Variants in FAF1 observed in about 807,000 individuals in gnomAD.
The protein encoded by FAF1 is Fas associated factor 1, also known as FAS-associated factor 1.
Under a neutral mutation model 92.5 loss-of-function variants are expected in FAF1, and 25 were observed. The observed-to-expected ratio is 0.27, with a 90% CI of 0.20 to 0.38. The LOEUF (loss-of-function observed/expected upper bound fraction) is 0.38. FAF1 is among the 10% of genes least tolerant of loss of function. The pLI is 1.00. For synonymous variants in FAF1, 234 were observed against 273.2 expected (o/e 0.86, Z 1.42); for missense variants, 636 against 793.3 (o/e 0.80, Z 2.38).
intron 14 of FAF1, among the ~76,000 whole-genome samples, chr1:50,535,710 T>C (rs1328930075): frequency 6.6e-6 from 1 of 152,220 alleles, no homozygotes; most frequent in Non-Finnish European, 1.5e-5. Context: ...AGAAGGACTT[T>C]TAGCACTATA....
intron 7 of FAF1, among the ~76,000 whole-genome samples, chr1:50,665,591 C>T (rs1240218581): frequency 6.6e-6 from 1 of 152,158 alleles, no homozygotes; most frequent in Non-Finnish European, 1.5e-5. Flanking sequence ...TACACTGGAA[C>T]ACAGCCACAT....
chr1:50,781,052 A>C (rs1198209938), intron 4 of FAF1: 1 of 427,850 alleles, frequency 2.3e-6, no homozygotes, highest in Non-Finnish European at 4.7e-6. Flanking sequence ...GAACTGTGCA[A>C]GATGGAAGTC....
At chr1:50,553,204 CAAAT>C (rs1375095689) in intron 13 of FAF1, among the ~76,000 whole-genome samples, 1 of 152,034 alleles carries the variant, frequency 6.6e-6, no homozygotes, top group Admixed American at 6.5e-5. Flanking sequence ...GATACTTGAA[CAAAT>C]AAATAGGAGT....
intron 6 of FAF1, among the ~76,000 whole-genome samples, chr1:50,721,945 T>G (rs538884323): frequency 7.2e-5 from 11 of 152,264 alleles, no homozygotes; most frequent in African/African-American, 2.6e-4. Flanking sequence ...TCTGCTGCAC[T>G]GCTAAAACCT....
intron 1 of FAF1, among the ~76,000 whole-genome samples, chr1:50,956,894 G>T (rs1307364093): frequency 6.6e-6 from 1 of 152,196 alleles, no homozygotes; most frequent in Non-Finnish European, 1.5e-5. Context: ...GTTGCAGTGA[G>T]GCGAGATCAT....
intron 18 of FAF1, among the ~76,000 whole-genome samples, chr1:50,458,077 G>C (rs1281566104): frequency 6.6e-6 from 1 of 152,024 alleles, no homozygotes; most frequent in Non-Finnish European, 1.5e-5. Context: ...GCCAGGCATG[G>C]TGGTGCATGC....
chr1:50,788,704 A>G (rs900256611), intron 3 of FAF1, among the ~76,000 whole-genome samples: 3 of 152,232 alleles, frequency 2.0e-5, no homozygotes, highest in Non-Finnish European at 4.4e-5. Flanking sequence ...AAAGCCATCA[A>G]GAGAAATTTC....
At position 50,577,474 on chromosome 1, in the gene FAF1, G is replaced by A. The variant is rs148776882; in HGVS notation, c.1113+5144C>T. Among the ~76,000 whole-genome samples the A allele has an allele frequency of 4.5e-3, 680 of 152,300 alleles. 8 individuals are homozygous for A. The highest frequency in any genetic ancestry group is 0.015 in the African/African-American group (608 of 41,570). Reference sequence around the variant, plus strand: ...CAGGAGGCGGAGTTTGCAGTGAGCCGAGATGGCGCCACTGCACTCCAAACT... The same window carrying A: ...CAGGAGGCGGAGTTTGCAGTGAGCCAAGATGGCGCCACTGCACTCCAAACT... On this transcript the variant is annotated intron_variant, in intron 12 of 18. Transcript: ENST00000396153.
intron 15 of FAF1, among the ~76,000 whole-genome samples, chr1:50,511,964 G>A (rs957477530): frequency 6.6e-6 from 1 of 152,182 alleles, no homozygotes; most frequent in Non-Finnish European, 1.5e-5. Context: ...GTATCTCACT[G>A]TGGTGTTGAT....
intron 4 of FAF1, among the ~76,000 whole-genome samples, chr1:50,757,700 T>C (rs1660133250): frequency 6.6e-6 from 1 of 152,178 alleles, no homozygotes; most frequent in Non-Finnish European, 1.5e-5. Flanking sequence ...TTATTCAGTG[T>C]AACAATCTCT....
At chr1:50,958,813 T>A (rs915758420) in intron 1 of FAF1, among the ~76,000 whole-genome samples, 10 of 151,754 alleles carry the variant, frequency 6.6e-5, no homozygotes, top group African/African-American at 2.2e-4. Context: ...GCAATGTGAG[T>A]ATTAAAAAAG....
rs752279218 is a variant in FAF1, at chr1:50,539,715, A to T, written c.1282T>A (p.Cys428Ser). 1 of 1,610,994 alleles carries T rather than the reference A, an allele frequency of 6.2e-7. No homozygotes were observed. The highest frequency in any genetic ancestry group is 8.5e-7 in the Non-Finnish European group (1 of 1,178,380). Residue 428 changes from cysteine (C) to serine (S), a missense_variant, in exon 14 of 19, where the codon TGC becomes AGC. Transcript: ENST00000396153. Reference protein sequence around the residue: ...DSNRARFLTMCNRHFGSVVAQ... With the variant: ...DSNRARFLTMSNRHFGSVVAQ... ...ACAACACTGCCAAAGTGTCTATTGC[A>T]CATAGTGAGAAATCTAAAAGGAGAC... is the stretch of plus-strand genomic sequence containing the variant.
intron 6 of FAF1, among the ~76,000 whole-genome samples, chr1:50,709,265 T>A (rs1216007572): frequency 2.6e-5 from 4 of 152,200 alleles, no homozygotes; most frequent in Non-Finnish European, 5.9e-5. Context: ...GGTTTAGTAA[T>A]GACCTTCTCT....
chr1:50,635,539 C>T (rs2124222016), intron 8 of FAF1, among the ~76,000 whole-genome samples: 1 of 152,312 alleles, frequency 6.6e-6, no homozygotes, highest in East Asian at 1.9e-4. Flanking sequence ...AATCCTCCCA[C>T]CTCAGCCTCC....
chr1:50,943,008 C>A (rs908020743), intron 1 of FAF1, among the ~76,000 whole-genome samples: 2 of 152,082 alleles, frequency 1.3e-5, no homozygotes, highest in East Asian at 1.9e-4. Context: ...ATATAACATC[C>A]TTGAGAAGAA....
chr1:50,882,958 T>C (rs910111970), intron 1 of FAF1, among the ~76,000 whole-genome samples: 5 of 144,876 alleles, frequency 3.5e-5, no homozygotes, highest in African/African-American at 1.3e-4. Context: ...CACTCTAGCC[T>C]AGGCAACAGA....
intron 1 of FAF1, among the ~76,000 whole-genome samples, chr1:50,862,372 T>C (rs1644442512): frequency 6.6e-6 from 1 of 151,732 alleles, no homozygotes; most frequent in Admixed American, 6.6e-5. Flanking sequence ...GAATAAAGTG[T>C]CAAAAATAGA....
At chr1:50,573,628 A>G (rs17383290) in intron 12 of FAF1, among the ~76,000 whole-genome samples, 68,677 of 151,894 alleles carry the variant, frequency 0.45, 16,631 homozygotes, top group African/African-American at 0.59. Context: ...GAGACCAACA[A>G]GCATCAACCA....
intron 1 of FAF1, among the ~76,000 whole-genome samples, chr1:50,933,339 C>T (rs1000210266): frequency 1.3e-5 from 2 of 152,152 alleles, no homozygotes; most frequent in African/African-American, 4.8e-5. Flanking sequence ...GTGTTTTCTG[C>T]CAGATACCCT....
Sources: gnomAD v4.1 joint callset for allele counts (sites outside exome capture counted in the v4.1 genomes callset) on GRCh38, gnomAD v4.1.1 for gene constraint, MANE v1.5 for transcripts, NCBI Gene and HGNC (gene_info 2026-07-23, HGNC 2026-07-21) for gene names.